Variants in KIF16B observed in about 807,000 individuals in gnomAD.
KIF16B encodes the protein kinesin family member 16B.
A neutral mutation model predicts 156.3 loss-of-function variants in KIF16B; 98 were observed. The observed-to-expected ratio is 0.63, with a 90% CI of 0.53 to 0.74. The LOEUF is 0.74. KIF16B is among the 30% of genes least tolerant of loss of function. The probability of loss-of-function intolerance (pLI) is 0.00; values close to 1 mark genes in which losing one functional copy is unlikely to be tolerated. For missense variants in KIF16B, 1,421 were observed against 1,606.5 expected, an observed-to-expected ratio of 0.88 and a Z score of 1.97; for synonymous variants, 564 against 583.7, an observed-to-expected ratio of 0.97 and a Z score of 0.49.
chr20:16,426,842 ATTCCT>A (rs2066365879), intron 15 of KIF16B, among the ~76,000 whole-genome samples: 2 of 152,122 alleles, frequency 1.3e-5, no homozygotes, highest in Admixed American at 1.3e-4. Flanking sequence ...AAATTAAAAA[ATTCCT>A]TTAACATCTC....
chr20:16,511,912 C>T (rs868777648), intron 5 of KIF16B, among the ~76,000 whole-genome samples: 63 of 152,052 alleles, frequency 4.1e-4, no homozygotes, highest in African/African-American at 1.2e-3. Context: ...TTTGGGAGGC[C>T]GAGGCAGATG....
chr20:16,477,854 G>A (rs1252497398), intron 12 of KIF16B, among the ~76,000 whole-genome samples: 2 of 152,164 alleles, frequency 1.3e-5, no homozygotes, highest in East Asian at 1.9e-4. Flanking sequence ...AGAGATAAAA[G>A]GGGGAGGAAG....
intron 12 of KIF16B, among the ~76,000 whole-genome samples, chr20:16,442,334 A>ATGTGTG (rs148957905): frequency 0.051 from 7,392 of 145,036 alleles, 647 homozygotes; most frequent in African/African-American, 0.18. Flanking sequence ...CCATTTCACA[A>ATGTGTG]TGTGTGTGTG....
chr20:16,434,970 CAGAT>C (rs748189821), intron 12 of KIF16B, among the ~76,000 whole-genome samples: 1 of 151,832 alleles, frequency 6.6e-6, no homozygotes, highest in Non-Finnish European at 1.5e-5. Context: ...GGGAGGAAGT[CAGAT>C]AGCCAGAAAG....
In KIF16B at chr20:16,515,523, T is replaced by C. The variant is rs534570739; in HGVS notation, c.348+25A>G. On this transcript the variant is annotated intron_variant, in intron 4 of 25. Coordinates refer to ENST00000354981, the MANE Select transcript of KIF16B (RefSeq NM_024704.5). ...CAGAGAAAGATAATGAGAAATTTCC[T>C]TCCCACACAGTATAAACAACGTACA... 1.1e-5 allele frequency: 14 copies of C among 1,237,566 alleles called. No homozygotes were observed. The East Asian group carries it at 3.0e-4, about 27-fold the overall frequency. The allele number at this position is 1,237,566 out of a possible 1,614,324, so 76.7% of individuals were successfully genotyped here.
intron 25 of KIF16B, among the ~76,000 whole-genome samples, chr20:16,276,861 A>C (rs1447517908): frequency 6.6e-6 from 1 of 152,244 alleles, no homozygotes; most frequent in Non-Finnish European, 1.5e-5. Flanking sequence ...GATTTTAATT[A>C]GTTATCTTTT....
chr20:16,399,478 A>G (rs2065594900), intron 17 of KIF16B, among the ~76,000 whole-genome samples: 1 of 152,120 alleles, frequency 6.6e-6, no homozygotes, highest in Non-Finnish European at 1.5e-5. Context: ...GGCTGGACAA[A>G]TGATGGGCCC....
chr20:16,451,846 T>C (rs2067090981), intron 12 of KIF16B, among the ~76,000 whole-genome samples: 1 of 152,238 alleles, frequency 6.6e-6, no homozygotes, highest in Non-Finnish European at 1.5e-5. Context: ...CATGTTTACC[T>C]ATTTTAAAAG....
At chr20:16,544,468 G>A (rs2070323563) in intron 1 of KIF16B, among the ~76,000 whole-genome samples, 1 of 151,946 alleles carries the variant, frequency 6.6e-6, no homozygotes, top group South Asian at 2.1e-4. Flanking sequence ...AAATTAGCCA[G>A]GTGTGGCAGG....
intron 23 of KIF16B, among the ~76,000 whole-genome samples, chr20:16,344,402 T>C (rs2064193782): frequency 6.6e-6 from 1 of 152,140 alleles, no homozygotes; most frequent in Admixed American, 6.5e-5. Flanking sequence ...TGCTTTCTGA[T>C]TTCTGTGGGC....
Position 16,518,520 on chromosome 20 carries a change from G to A in KIF16B, c.232-2856C>T, listed in dbSNP as rs183884491. ...CTGTTAAAATAAAAACTCGCTCATC[G>A]GGCATGTCAACTGGGAGATGTTAGG... is the stretch of plus-strand genomic sequence containing the variant. On this transcript the variant is annotated intron_variant, in intron 3 of 25. Transcript: ENST00000354981. Among the ~76,000 whole-genome samples, 656 of 152,300 alleles carry A rather than the reference G, an allele frequency of 4.3e-3. 3 individuals carry two copies. The highest frequency in any genetic ancestry group is 7.0e-3 in the Non-Finnish European group (473 of 68,032).
chr20:16,400,789 T>G (rs538356162), intron 17 of KIF16B, among the ~76,000 whole-genome samples: 5 of 152,206 alleles, frequency 3.3e-5, no homozygotes, highest in Admixed American at 6.5e-5. Flanking sequence ...GTGATTCTAC[T>G]TAAGTGGTTA....
intron 12 of KIF16B, among the ~76,000 whole-genome samples, chr20:16,476,984 T>A (rs2067832967): frequency 6.6e-6 from 1 of 151,968 alleles, no homozygotes; most frequent in African/African-American, 2.4e-5. Context: ...CCTGACCTCA[T>A]AATCCGCCCG....
intron 12 of KIF16B, among the ~76,000 whole-genome samples, chr20:16,469,309 A>G (rs911546527): frequency 6.6e-6 from 1 of 151,084 alleles, no homozygotes; most frequent in Non-Finnish European, 1.5e-5. Flanking sequence ...CGATAGAATT[A>G]AACTAGAAAT....
chr20:16,502,789 T>C (rs927194222), intron 10 of KIF16B, among the ~76,000 whole-genome samples: 7 of 152,206 alleles, frequency 4.6e-5, no homozygotes, highest in African/African-American at 1.7e-4. Flanking sequence ...TCTTTTAACC[T>C]AATAAAAGGT....
chr20:16,309,624 A>G (rs576904217), intron 25 of KIF16B, among the ~76,000 whole-genome samples: 1 of 152,238 alleles, frequency 6.6e-6, no homozygotes, highest in Non-Finnish European at 1.5e-5. Flanking sequence ...TCCAAATCTT[A>G]GAAATATCTT....
At chr20:16,396,819 T>C (rs955414959) in intron 17 of KIF16B, among the ~76,000 whole-genome samples, 6 of 152,162 alleles carry the variant, frequency 3.9e-5, no homozygotes, top group African/African-American at 1.4e-4. Context: ...CTAGCCCTGA[T>C]GCTAACCAAA....
At chr20:16,322,193 G>C (rs1372325956) in intron 24 of KIF16B, among the ~76,000 whole-genome samples, 8 of 151,802 alleles carry the variant, frequency 5.3e-5, no homozygotes, top group Admixed American at 5.3e-4. Flanking sequence ...CCAAAAAAGA[G>C]CCCACACAGC....
intron 12 of KIF16B, among the ~76,000 whole-genome samples, chr20:16,456,442 T>TAC (rs149717403): frequency 0.04 from 6,026 of 151,082 alleles, 415 homozygotes; most frequent in African/African-American, 0.14. Flanking sequence ...CCAATTAAGA[T>TAC]ACACACACAC....
Sources: gnomAD v4.1 joint callset for allele counts (sites outside exome capture counted in the v4.1 genomes callset) on GRCh38, gnomAD v4.1.1 for gene constraint, MANE v1.5 for transcripts, NCBI Gene and HGNC (gene_info 2026-07-23, HGNC 2026-07-21) for gene names.